EHMT1: variants seen among roughly 807,000 people sequenced by gnomAD.
The protein encoded by EHMT1 is euchromatic histone lysine methyltransferase 1.
Under a neutral mutation model 147.2 loss-of-function variants are expected in EHMT1, and 15 were observed. That is an observed-to-expected ratio of 0.10 (90% CI 0.07 to 0.16). The LOEUF (loss-of-function observed/expected upper bound fraction) is 0.16. Among genes scored for constraint, EHMT1 ranks in the 10% least tolerant of loss-of-function variants. The pLI, the probability that EHMT1 is intolerant of heterozygous loss-of-function variation, is 1.00. For synonymous variants in EHMT1, 795 were observed against 709.6 expected (o/e 1.12, Z -1.91); for missense variants, 1,587 against 1,772.4 (o/e 0.90, Z 1.88).
Position 137,834,513 on chromosome 9 carries a change from C to A in EHMT1, c.3705C>A (p.Gly1235=), listed in dbSNP as rs548619730. The change falls in exon 26 of 27, where the codon GGC becomes GGA. Residue 1235 remains glycine (G), a synonymous_variant. Coordinates refer to ENST00000460843, the MANE Select transcript of EHMT1 (RefSeq NM_024757.5). ...AFFSTRLIEA[G]EQLGFDYGER... ...TCAGCACCCGCCTGATCGAGGCCGG[C>A]GAGCAGCTCGGGTACGCACCGCCCC... is the stretch of plus-strand genomic sequence containing the variant. The A allele has an allele frequency of 6.2e-7, 1 of 1,610,940 alleles. No homozygotes were observed. The highest frequency in any genetic ancestry group is 1.7e-5 in the Admixed American group (1 of 60,004).
intron 3 of EHMT1, among the ~76,000 whole-genome samples, chr9:137,718,306 T>G (rs1388788899): frequency 6.6e-6 from 1 of 152,280 alleles, no homozygotes; most frequent in East Asian, 1.9e-4. Flanking sequence ...TTCAAAGTGT[T>G]CATGGTGCTT....
chr9:137,669,053 AT>A (rs1415488156), intron 1 of EHMT1, among the ~76,000 whole-genome samples: 1 of 151,876 alleles, frequency 6.6e-6, no homozygotes, highest in Non-Finnish European at 1.5e-5. Flanking sequence ...ACCCCCGCTA[AT>A]TTTTCTATTT....
At chr9:137,634,764 G>A (rs1203782663) in intron 1 of EHMT1, among the ~76,000 whole-genome samples, 2 of 141,512 alleles carry the variant, frequency 1.4e-5, no homozygotes, top group Non-Finnish European at 3.0e-5. Context: ...GTGCCGTGGT[G>A]CGATCTCAGC....
At chr9:137,630,705 G>A (rs1214955036) in intron 1 of EHMT1, among the ~76,000 whole-genome samples, 1 of 152,140 alleles carries the variant, frequency 6.6e-6, no homozygotes, top group Admixed American at 6.6e-5. Context: ...CGTATCTTCA[G>A]TGTTTTTGGT....
chr9:137,689,305 C>G (rs888376528), intron 1 of EHMT1, among the ~76,000 whole-genome samples: 2 of 152,074 alleles, frequency 1.3e-5, no homozygotes, highest in African/African-American at 2.4e-5. Context: ...TATTTTTGTG[C>G]GTGTTCATAG....
intron 1 of EHMT1, among the ~76,000 whole-genome samples, chr9:137,660,809 C>T (rs1326404049): frequency 6.6e-6 from 1 of 152,158 alleles, no homozygotes; most frequent in African/African-American, 2.4e-5. Flanking sequence ...TTCTCTGATG[C>T]CATCGTAAGT....
At chr9:137,624,717 C>G (rs977004979) in intron 1 of EHMT1, among the ~76,000 whole-genome samples, 2 of 152,064 alleles carry the variant, frequency 1.3e-5, no homozygotes, top group African/African-American at 4.8e-5. Context: ...CCGCCTCAGC[C>G]TCCCAAAGTG....
chr9:137,776,924 C>G lies in EHMT1; in HGVS notation c.2018+80C>G. ...AGTTGTTAACTCAACGTTATTGCTTCCTGCTGTTTTTTCCAGAAGTCTCTG... is the reference window on the plus strand; with the variant it reads ...AGTTGTTAACTCAACGTTATTGCTTGCTGCTGTTTTTTCCAGAAGTCTCTG... On this transcript the variant is annotated intron_variant, in intron 12 of 26. Transcript: ENST00000460843. The surrounding 1 kb of genome is among the most constrained non-coding windows in gnomAD (Gnocchi z 4.4). 1 of 1,354,968 alleles carries G rather than the reference C, an allele frequency of 7.4e-7. No homozygotes were observed. The highest frequency in any genetic ancestry group is 1.0e-6 in the Non-Finnish European group (1 of 969,952). The allele number at this position is 1,354,968 out of a possible 1,614,324, so 83.9% of individuals were successfully genotyped here. A position where few individuals can be genotyped will look rare whatever the true frequency, so the allele number is the denominator to read the frequency against.
At chr9:137,658,881 T>A (rs1008088305) in intron 1 of EHMT1, among the ~76,000 whole-genome samples, 3 of 152,104 alleles carry the variant, frequency 2.0e-5, no homozygotes, top group African/African-American at 7.2e-5. Flanking sequence ...CACCTCAGCC[T>A]CCCAAAGTGC....
intron 24 of EHMT1, 162 bp from the exon 25 acceptor site, chr9:137,817,898 G>A (rs181612665): frequency 1.7e-4 from 123 of 729,260 alleles, no homozygotes; most frequent in Non-Finnish European, 1.1e-4. Flanking sequence ...ACCCTCAGCT[G>A]AAACCCCAGT....
intron 18 of EHMT1, among the ~76,000 whole-genome samples, chr9:137,810,551 A>G (rs1490959994): frequency 6.6e-6 from 1 of 151,330 alleles, no homozygotes; most frequent in Non-Finnish European, 1.5e-5. Flanking sequence ...TACGTTTTTT[A>G]TTTTCTTCTC....
At chr9:137,814,091 G>A (rs1342861428) in intron 21 of EHMT1, among the ~76,000 whole-genome samples, 2 of 114,100 alleles carry the variant, frequency 1.8e-5, no homozygotes, top group African/African-American at 7.2e-5. Flanking sequence ...CCCACAAGGT[G>A]TGTCAGGCTC....
At chr9:137,713,240 G>A (rs978632898) in intron 2 of EHMT1, among the ~76,000 whole-genome samples, 1 of 150,836 alleles carries the variant, frequency 6.6e-6, no homozygotes, top group Non-Finnish European at 1.5e-5. Flanking sequence ...GGGACCACAG[G>A]TGTGAGCCAC....
At chr9:137,668,418 T>C (rs571660055) in intron 1 of EHMT1, among the ~76,000 whole-genome samples, 1 of 146,814 alleles carries the variant, frequency 6.8e-6, no homozygotes, top group Non-Finnish European at 1.5e-5. Context: ...CACCCACCCA[T>C]CCATTTATTT....
chr9:137,812,253 G>T (rs1186837596), intron 19 of EHMT1, among the ~76,000 whole-genome samples: 2 of 152,196 alleles, frequency 1.3e-5, no homozygotes, highest in African/African-American at 4.8e-5. Context: ...CAGGCGAATC[G>T]CTTGAACCCA....
rs897742147 is a variant in EHMT1 at position 137,775,080 on chromosome 9, C to T, written c.1648-29C>T. 2.5e-6 allele frequency: 4 copies of T among 1,613,872 alleles called. No individual in the cohort carries two copies. In the African/African-American group the frequency reaches 4.0e-5, roughly 16 times the overall value. ...GAATGCCGGCCTCTCGTGACTCTGA[C>T]ATTGACCACCAGTCTTGTCTGATTG... On this transcript the variant is annotated intron_variant, in intron 10 of 26. Transcript: ENST00000460843. This position sits in a 1 kb window ranked among gnomAD's most constrained non-coding sequence, Gnocchi z 6.1.
intron 1 of EHMT1, among the ~76,000 whole-genome samples, chr9:137,656,443 T>A (rs1393034798): frequency 1.3e-5 from 2 of 152,046 alleles, no homozygotes; most frequent in Non-Finnish European, 2.9e-5. Context: ...AATGGGAGAT[T>A]TTGGGTTAGA....
At chr9:137,634,295 C>T (rs1843821679) in intron 1 of EHMT1, among the ~76,000 whole-genome samples, 1 of 152,090 alleles carries the variant, frequency 6.6e-6, no homozygotes, top group African/African-American at 2.4e-5. Flanking sequence ...ACATTTAAGT[C>T]TTTGATCCGT....
chr9:137,700,515 G>A (rs527974223), intron 1 of EHMT1, among the ~76,000 whole-genome samples: 1 of 152,310 alleles, frequency 6.6e-6, no homozygotes, highest in South Asian at 2.1e-4. Flanking sequence ...GAAGGATGGT[G>A]GAGTCCAGCT....
Sources: gnomAD v4.1 joint callset for allele counts (sites outside exome capture counted in the v4.1 genomes callset) on GRCh38, gnomAD v4.1.1 for gene constraint, Gnocchi (gnomAD v3.1) non-coding constraint, MANE v1.5 for transcripts, NCBI Gene and HGNC (gene_info 2026-07-23, HGNC 2026-07-21) for gene names.